Variants in DNM1 observed in about 807,000 individuals in gnomAD.
DNM1 encodes dynamin-1.
A neutral mutation model predicts 104.6 loss-of-function variants in DNM1; 29 were observed. The observed-to-expected ratio is 0.28, with a 90% CI of 0.21 to 0.38. The LOEUF (loss-of-function observed/expected upper bound fraction) is 0.38. Ranked by LOEUF, DNM1 falls within the 10% of genes least tolerant of loss-of-function variation. The pLI, the probability that DNM1 is intolerant of heterozygous loss-of-function variation, is 1.00. For missense variants in DNM1, 640 were observed against 1,189.4 expected, an observed-to-expected ratio of 0.54 and a Z score of 6.79; for synonymous variants, 445 against 475.8, an observed-to-expected ratio of 0.94 and a Z score of 0.84.
chr9:128,203,752 C>A lies in DNM1; in HGVS notation c.161+121C>A. 1.1e-6 allele frequency: 1 copy of A among 891,074 alleles called. No individual in the cohort carries two copies. Among genetic ancestry groups the A allele is most frequent in the Non-Finnish European group, 1.4e-6 (1 of 689,934 alleles). The allele number at this position is 891,074 out of a possible 1,614,324, so 55.2% of individuals were successfully genotyped here. A position where few individuals can be genotyped will look rare whatever the true frequency, so the allele number is the denominator to read the frequency against. ...CGACGCTGCACCCGCGGCCGGCGCG[C>A]CCCCCACCCCCAGCCGGAGCGAGGA... On this transcript the variant is annotated intron_variant, in intron 1 of 21. Transcript: ENST00000372923. This position sits in a 1 kb window ranked among gnomAD's most constrained non-coding sequence, Gnocchi z 5.3.
In DNM1 at chr9:128,254,619, T is replaced by A; in HGVS notation, c.2535-35T>A. 6.3e-7 allele frequency: 1 copy of A among 1,591,656 alleles called. No homozygotes were observed. Among genetic ancestry groups the A allele is most frequent in the African/African-American group, 1.3e-5 (1 of 74,654 alleles). On this transcript the variant is annotated intron_variant, in intron 21 of 21. Coordinates refer to ENST00000372923, the MANE Select transcript of DNM1 (RefSeq NM_004408.4). This position sits in a 1 kb window ranked among gnomAD's most constrained non-coding sequence, Gnocchi z 6.1. ...TACCAGCTCTCTCCTCGCTTTTCTCTCCCGTTTTCTCTCTGCTTTCTCTCC... is the reference window on the plus strand; with the variant it reads ...TACCAGCTCTCTCCTCGCTTTTCTCACCCGTTTTCTCTCTGCTTTCTCTCC...
rs1836562815 is a variant in DNM1 at position 128,243,839 on chromosome 9, G to A, written c.1671+1494G>A. On this transcript the variant is annotated intron_variant, in intron 15 of 21. Transcript: ENST00000372923. This position sits in a 1 kb window ranked among gnomAD's most constrained non-coding sequence, Gnocchi z 4.0. Reference sequence around the variant, plus strand: ...GCCTGCAGGCCTTTCTGGAGCTTTTGTGTACATCTGAGTTAAGTCGTGTGC... The same window carrying A: ...GCCTGCAGGCCTTTCTGGAGCTTTTATGTACATCTGAGTTAAGTCGTGTGC... 6.6e-6 allele frequency among the ~76,000 whole-genome samples: 1 copy of A among 152,168 alleles called. No individual in the cohort carries two copies. Among genetic ancestry groups the A allele is most frequent in the Non-Finnish European group, 1.5e-5 (1 of 68,028 alleles).
intron 11 of DNM1, among the ~76,000 whole-genome samples, 178 bp from the exon 12 acceptor site, chr9:128,239,267 G>C (rs1185696223): frequency 6.6e-6 from 1 of 152,176 alleles, no homozygotes; most frequent in Non-Finnish European, 1.5e-5. Flanking sequence ...CAAAGTGCTG[G>C]GATCACAGGT....
At position 128,220,221 on chromosome 9, in the gene DNM1, T is replaced by C. The variant is rs765690901; in HGVS notation, c.729T>C (p.Asp243=). Residue 243 remains aspartate (D), a synonymous_variant, in exon 6 of 22, where the codon GAT becomes GAC. Coordinates refer to ENST00000372923, the MANE Select transcript of DNM1 (RefSeq NM_004408.4). The surrounding 1 kb of genome is among the most constrained non-coding windows in gnomAD (Gnocchi z 5.2). ...TGAACCGGAGCCAGAAGGACATTGATGGCAAGAAGGACATTACCGCCGCCT... is the reference window on the plus strand; with the variant it reads ...TGAACCGGAGCCAGAAGGACATTGACGGCAAGAAGGACATTACCGCCGCCT... The part of the protein sequence containing the change: ...GVVNRSQKDI[D]GKKDITAALA... 3.1e-6 allele frequency: 5 copies of C among 1,614,070 alleles called. No homozygotes were observed. Among genetic ancestry groups the C allele is most frequent in the Non-Finnish European group, 4.2e-6 (5 of 1,180,040 alleles).
At chr9:128,251,325 G>A (rs998204035) in intron 21 of DNM1, 4 of 382,954 alleles carry the variant, frequency 1.0e-5, no homozygotes, top group African/African-American at 6.4e-5. Context: ...CCAGCCCCTG[G>A]GGAGCCTACC....
chr9:128,231,462 A>G lies in DNM1; in HGVS notation c.1336-2559A>G, dbSNP rs1588400259. Among the ~76,000 whole-genome samples, 5 of 152,066 alleles carry G rather than the reference A, an allele frequency of 3.3e-5. No homozygotes were observed. In the South Asian group the frequency reaches 6.2e-4, roughly 19 times the overall value. ...GTGATCTGCCCACCTCGGCCTCCCAATGTACTGGGATTACAGGTGCAAGCC... is the reference window on the plus strand; with the variant it reads ...GTGATCTGCCCACCTCGGCCTCCCAGTGTACTGGGATTACAGGTGCAAGCC... On this transcript the variant is annotated intron_variant, in intron 10 of 21. Transcript: ENST00000372923.
At chr9:128,230,883 A>G (rs1835643561) in intron 10 of DNM1, among the ~76,000 whole-genome samples, 1 of 151,956 alleles carries the variant, frequency 6.6e-6, no homozygotes, top group Non-Finnish European at 1.5e-5. Context: ...GCTCACTGCA[A>G]CCTCTGCCTC....
In DNM1 at chr9:128,218,182, G is replaced by C; in HGVS notation, c.162-49G>C. On this transcript the variant is annotated intron_variant, in intron 1 of 21. Transcript: ENST00000372923. The surrounding 1 kb of genome is among the most constrained non-coding windows in gnomAD (Gnocchi z 4.8). ...GCCGGACAGGTACCCCTGGGACAGA[G>C]GGCGCCCCCTCATATCTTGACCCTC... The C allele has an allele frequency of 1.3e-6, 2 of 1,582,178 alleles. No homozygotes were observed. The highest frequency in any genetic ancestry group is 1.7e-6 in the Non-Finnish European group (2 of 1,150,908).
chr9:128,245,303 G>A lies in DNM1; in HGVS notation c.1672-1091G>A, dbSNP rs569893213. The stretch of plus-strand genomic sequence containing the variant: ...GGGGTGGGCGGGATGACGCCAGGAC[G>A]GGGGAGCAAGGTCCCCCTAAACCCA... On this transcript the variant is annotated intron_variant, in intron 15 of 21. Coordinates refer to ENST00000372923, the MANE Select transcript of DNM1 (RefSeq NM_004408.4). The surrounding 1 kb of genome is among the most constrained non-coding windows in gnomAD (Gnocchi z 5.2). Among the ~76,000 whole-genome samples the A allele has an allele frequency of 3.3e-5, 5 of 152,128 alleles. No homozygotes were observed. The highest frequency in any genetic ancestry group is 2.1e-4 in the South Asian group (1 of 4,812).
chr9:128,204,196 C>T (rs1833725326), intron 1 of DNM1: 1 of 152,846 alleles, frequency 6.5e-6, no homozygotes, highest in Non-Finnish European at 1.5e-5. Flanking sequence ...CTCTGCGGCT[C>T]CCGCCGCCAT....
intron 10 of DNM1, among the ~76,000 whole-genome samples, chr9:128,225,438 A>G (rs981032689): frequency 2.0e-5 from 3 of 152,170 alleles, no homozygotes; most frequent in African/African-American, 7.2e-5. Flanking sequence ...GCCACGGTTT[A>G]CGGGAATGGA....
In DNM1 at chr9:128,242,330, G is replaced by A; in HGVS notation, c.1656G>A (p.Trp552Ter). 1 of 1,602,322 alleles carries A rather than the reference G, an allele frequency of 6.2e-7. No homozygotes were observed. The highest frequency in any genetic ancestry group is 8.6e-7 in the Non-Finnish European group (1 of 1,169,242). ...WFVLTAENLSWYKDDEEKEKK... is the reference protein window; with the variant it reads ...WFVLTAENLS ...TGCTGACTGCTGAGAATCTGTCCTGGTACAAGGATGATGAGGTGAGTCAAG... is the reference window on the plus strand; with the variant it reads ...TGCTGACTGCTGAGAATCTGTCCTGATACAAGGATGATGAGGTGAGTCAAG... Residue 552 changes from tryptophan to a stop codon, truncating the protein, a stop_gained, in exon 15 of 22, where the codon TGG becomes TGA. Coordinates refer to ENST00000372923, the MANE Select transcript of DNM1 (RefSeq NM_004408.4). LOFTEE classifies it high-confidence loss of function.
At chr9:128,215,576 T>C (rs1834553806) in intron 1 of DNM1, among the ~76,000 whole-genome samples, 1 of 152,206 alleles carries the variant, frequency 6.6e-6, no homozygotes, top group African/African-American at 2.4e-5. Context: ...TAAGTAGCCC[T>C]GGGGAGGCAG....
chr9:128,229,148 T>C (rs1321588952), intron 10 of DNM1, among the ~76,000 whole-genome samples: 3 of 152,020 alleles, frequency 2.0e-5, no homozygotes, highest in African/African-American at 4.8e-5. Context: ...TCCCAGAACT[T>C]TGGGAAGCTG....
At chr9:128,250,597 C>A in intron 20 of DNM1, 128 bp from the exon 21 acceptor site, 1 of 1,019,162 alleles carries the variant, frequency 9.8e-7, no homozygotes, top group African/African-American at 1.7e-5. Context: ...CCGGCGACCG[C>A]CTTAGGGGTG....
rs1432045086 is a variant in DNM1, at chr9:128,254,576, C to T, written c.2535-78C>T. ...CTGCTGCGGCGCGGCCGGCCCCGGCCGTGTGCTGCGCTTGCCTTACCAGCT... is the reference window on the plus strand; with the variant it reads ...CTGCTGCGGCGCGGCCGGCCCCGGCTGTGTGCTGCGCTTGCCTTACCAGCT... On this transcript the variant is annotated intron_variant, in intron 21 of 21. Coordinates refer to ENST00000372923, the MANE Select transcript of DNM1 (RefSeq NM_004408.4). The surrounding 1 kb of genome is among the most constrained non-coding windows in gnomAD (Gnocchi z 6.1). 1.3e-5 allele frequency: 21 copies of T among 1,590,648 alleles called. No homozygotes were observed. Among genetic ancestry groups the T allele is most frequent in the South Asian group, 7.7e-5 (7 of 90,880 alleles).
At position 128,253,036 on chromosome 9, in the gene DNM1, C is replaced by T. The variant is rs1829624950; in HGVS notation, c.2535-1618C>T. Reference sequence around the variant, plus strand: ...CCCGGGCGTGTGCGTGTGTGTGTCCCCCACCCCCAGGCCGGCCCCACCCGT... The same window carrying T: ...CCCGGGCGTGTGCGTGTGTGTGTCCTCCACCCCCAGGCCGGCCCCACCCGT... On this transcript the variant is annotated intron_variant, in intron 21 of 21. Coordinates refer to ENST00000372923, the MANE Select transcript of DNM1 (RefSeq NM_004408.4). This position sits in a 1 kb window ranked among gnomAD's most constrained non-coding sequence, Gnocchi z 5.9. 1.3e-6 allele frequency: 2 copies of T among 1,552,914 alleles called. No individual in the cohort carries two copies. The highest frequency in any genetic ancestry group is 1.7e-5 in the Admixed American group (1 of 59,820).
chr9:128,242,104 C>G (rs1012658062), intron 14 of DNM1, 128 bp from the exon 15 acceptor site: 1 of 680,990 alleles, frequency 1.5e-6, no homozygotes, highest in South Asian at 1.5e-5. Context: ...GGCCCCCACC[C>G]TCCCTGACTG....
rs1484181817 is a variant in DNM1, at chr9:128,218,408, G to A, written c.235+104G>A. On this transcript the variant is annotated intron_variant, in intron 2 of 21. Coordinates refer to ENST00000372923, the MANE Select transcript of DNM1 (RefSeq NM_004408.4). The surrounding 1 kb of genome is among the most constrained non-coding windows in gnomAD (Gnocchi z 4.8). ...CCACGAACTTGCTTGCTGTGTGACT[G>A]TGGGCCTCGTTCCCCTTAGGGATAG... is the stretch of plus-strand genomic sequence containing the variant. The A allele has an allele frequency of 1.4e-5, 20 of 1,460,926 alleles. No individual in the cohort carries two copies. The highest frequency in any genetic ancestry group is 1.8e-5 in the Non-Finnish European group (19 of 1,041,652). 90.5% of individuals were successfully genotyped at this position (1,460,926 alleles called of 1,614,324 possible).
Sources: allele counts gnomAD v4.1 joint callset (sites outside exome capture counted in the v4.1 genomes callset), GRCh38; gene constraint gnomAD v4.1.1; non-coding constraint Gnocchi (gnomAD v3.1); transcripts MANE v1.5; gene names NCBI Gene and HGNC (gene_info 2026-07-23, HGNC 2026-07-21).